QSER1: variants seen among roughly 807,000 people sequenced by gnomAD.
The protein encoded by QSER1 is glutamine and serine-rich protein 1.
QSER1 carries 49 observed loss-of-function variants against 158.5 expected under a neutral mutation model. That is an observed-to-expected ratio of 0.31 (90% CI 0.25 to 0.39). The LOEUF (loss-of-function observed/expected upper bound fraction) is 0.39. Ranked by LOEUF, QSER1 falls within the 10% of genes least tolerant of loss-of-function variation. The probability of loss-of-function intolerance (pLI) is 1.00; values close to 1 mark genes in which losing one functional copy is unlikely to be tolerated. For synonymous variants in QSER1, 650 were observed against 715.5 expected (o/e 0.91, Z 1.46); for missense variants, 1,754 against 2,010.3 (o/e 0.87, Z 2.44).
intron 5 of QSER1, 152 bp downstream of exon 5, chr11:32,954,331 A>AATC (rs1401155770): frequency 3.5e-6 from 3 of 856,886 alleles, no homozygotes; most frequent in Non-Finnish European, 5.1e-6. Context: ...TTAAGAGTAG[A>AATC]TGTCAGATAT....
intron 1 of QSER1, among the ~76,000 whole-genome samples, chr11:32,911,120 T>G (rs982519061): frequency 2.0e-5 from 3 of 152,218 alleles, no homozygotes; most frequent in African/African-American, 7.2e-5. Flanking sequence ...TTTGGAGACA[T>G]TCCTGGTTTT....
chr11:32,932,912 T>A lies in QSER1; in HGVS notation c.1654T>A (p.Ser552Thr). ...AAGAGATCTGTCTTCAGTAAGTCAG[T>A]CTCAAAGTTACTCATCTGGTCACTC... is the stretch of plus-strand genomic sequence containing the variant. Reference protein sequence around the residue: ...QTRDLSSVSQSQSYSSGHSQG... With the variant: ...QTRDLSSVSQTQSYSSGHSQG... Residue 552 changes from serine to threonine, a missense_variant, in exon 4 of 13, where the codon TCT (serine) becomes ACT (threonine). Around this residue, in one of 2 missense-constraint regions of QSER1, gnomAD observed 1,707 missense variants for 1,919.6 expected, o/e 0.89. Transcript: ENST00000650167. The A allele has an allele frequency of 1.2e-6, 2 of 1,613,960 alleles. No individual in the cohort carries two copies. The highest frequency in any genetic ancestry group is 2.2e-5 in the South Asian group (2 of 91,068).
intron 6 of QSER1, 75 bp downstream of exon 6, chr11:32,955,487 G>A: frequency 2.9e-6 from 2 of 686,416 alleles, no homozygotes; most frequent in Non-Finnish European, 4.9e-6. Flanking sequence ...AAATATAGAA[G>A]TATTTTATAT....
chr11:32,961,172 A>T (rs1852616873), intron 8 of QSER1, among the ~76,000 whole-genome samples: 1 of 152,162 alleles, frequency 6.6e-6, no homozygotes, highest in Non-Finnish European at 1.5e-5. Context: ...TGGCTAAAGT[A>T]TCAAGAATAT....
chr11:32,964,737 T>TACACAC (rs1305249922), intron 8 of QSER1, among the ~76,000 whole-genome samples: 1 of 113,030 alleles, frequency 8.8e-6, no homozygotes, highest in African/African-American at 3.4e-5. Flanking sequence ...TATATATATA[T>TACACAC]ATACACACAC....
intron 10 of QSER1, among the ~76,000 whole-genome samples, chr11:32,972,966 G>T (rs554569955): frequency 6.6e-6 from 1 of 152,314 alleles, no homozygotes; most frequent in South Asian, 2.1e-4. Context: ...ATTTCACGGG[G>T]CAAGCAGTGG....
intron 5 of QSER1, among the ~76,000 whole-genome samples, chr11:32,954,697 T>G (rs1179525869): frequency 6.6e-6 from 1 of 152,182 alleles, no homozygotes; most frequent in Non-Finnish European, 1.5e-5. Context: ...ATGTATTTTT[T>G]AAAATAGAGA....
chr11:32,964,777 CACACAT>C (rs1282707261), intron 8 of QSER1, among the ~76,000 whole-genome samples: 24 of 144,214 alleles, frequency 1.7e-4, no homozygotes, highest in African/African-American at 3.3e-4. Context: ...CACACACACA[CACACAT>C]ACACACACAT....
intron 1 of QSER1, among the ~76,000 whole-genome samples, chr11:32,898,377 T>C (rs1452252763): frequency 6.6e-6 from 1 of 151,948 alleles, no homozygotes; most frequent in Non-Finnish European, 1.5e-5. Flanking sequence ...TCCCAGCTAC[T>C]CTGGAGGCTG....
intron 1 of QSER1, among the ~76,000 whole-genome samples, chr11:32,924,384 A>G (rs1851939312): frequency 6.6e-6 from 1 of 151,940 alleles, no homozygotes; most frequent in African/African-American, 2.4e-5. Context: ...CCTGGGCAAC[A>G]TGGACAAGCT....
At chr11:32,920,640 A>T (rs1210314459) in intron 1 of QSER1, among the ~76,000 whole-genome samples, 1 of 152,218 alleles carries the variant, frequency 6.6e-6, no homozygotes, top group Non-Finnish European at 1.5e-5. Flanking sequence ...TATCCAGCAT[A>T]TTTAAAGAAC....
rs368869898 is a variant in QSER1, at chr11:32,934,324, A to G, written c.3066A>G (p.Ser1022=). The G allele has an allele frequency of 6.2e-7, 1 of 1,613,920 alleles. No individual in the cohort carries two copies. The highest frequency in any genetic ancestry group is 1.3e-5 in the African/African-American group (1 of 74,924). The change falls in exon 4 of 13, where the codon TCA becomes TCG. Residue 1022 remains serine (S), a synonymous_variant. Transcript: ENST00000650167. ...ATTCTAAATCTCATTTTCAGCAGTCATTAGATGTCAGGCATGTGACTTCAG... is the reference window on the plus strand; with the variant it reads ...ATTCTAAATCTCATTTTCAGCAGTCGTTAGATGTCAGGCATGTGACTTCAG... ...DGDSKSHFQQ[S]LDVRHVTSDF... is the part of the protein sequence containing the mutation.
At position 32,978,431 on chromosome 11, in the gene QSER1, A is replaced by G. The variant is rs147116707; in HGVS notation, c.*1957A>G. 7.2e-5 allele frequency: 11 copies of G among 152,326 alleles called. 1 individual carries two copies. The East Asian group carries it at 2.1e-3, about 29-fold the overall frequency. The allele number at this position is 152,326 out of a possible 1,614,324, so 9.4% of individuals were successfully genotyped here. ...CATTTCCTAATGTGGCATTGTAAAT[A>G]TACATCTTTATATTACTCTTCCAGC... is the stretch of plus-strand genomic sequence containing the variant. On this transcript the variant is annotated 3_prime_UTR_variant, in exon 13 of 13. Coordinates refer to ENST00000650167, the MANE Select transcript of QSER1 (RefSeq NM_001076786.3).
rs1193669268 is a variant in QSER1, at chr11:32,955,354, T to C, written c.4559T>C (p.Leu1520Ser). ...PAIWKVQKAL[L>S]QKFVPEIRDG... ...ATTTGGAAAGTACAAAAAGCTTTAT[T>C]ACAGAAATTTGTTCCTGAAATTCGA... is the stretch of plus-strand genomic sequence containing the variant. Residue 1520 changes from leucine to serine, a missense_variant, in exon 6 of 13, where the codon TTA (leucine) becomes TCA (serine). By Grantham distance (145) the Leu-to-Ser change is moderately radical (BLOSUM62 -2). Around this residue, in one of 2 missense-constraint regions of QSER1, gnomAD observed 1,707 missense variants for 1,919.6 expected, o/e 0.89. Transcript: ENST00000650167. 6.2e-7 allele frequency: 1 copy of C among 1,602,456 alleles called. No individual in the cohort carries two copies. The highest frequency in any genetic ancestry group is 8.5e-7 in the Non-Finnish European group (1 of 1,176,584).
intron 4 of QSER1, among the ~76,000 whole-genome samples, chr11:32,941,751 A>G (rs913596642): frequency 1.3e-5 from 2 of 152,210 alleles, no homozygotes; most frequent in African/African-American, 4.8e-5. Flanking sequence ...ATACCCAGTA[A>G]TGGGATGGCT....
intron 7 of QSER1, among the ~76,000 whole-genome samples, chr11:32,956,767 C>G (rs1020661909): frequency 6.6e-6 from 1 of 152,178 alleles, no homozygotes; most frequent in African/African-American, 2.4e-5. Flanking sequence ...ATCTTCAGAC[C>G]TGGAAGAGAG....
In QSER1 at chr11:32,979,339, A is replaced by G. The variant is rs1032303166; in HGVS notation, c.*2865A>G. 2.6e-5 allele frequency: 4 copies of G among 152,652 alleles called. No homozygotes were observed. The highest frequency in any genetic ancestry group is 5.9e-5 in the Non-Finnish European group (4 of 68,036). 9.5% of individuals were successfully genotyped at this position (152,652 alleles called of 1,614,324 possible). On this transcript the variant is annotated 3_prime_UTR_variant, in exon 13 of 13. Transcript: ENST00000650167. Reference sequence around the variant, plus strand: ...AGAAAGATTGGATTTTCCTACCTTTAGAGATCTAAAAAAAATTTAATATAA... The same window carrying G: ...AGAAAGATTGGATTTTCCTACCTTTGGAGATCTAAAAAAAATTTAATATAA...
chr11:32,964,731 TATATATATACAC>T (rs1243004726), intron 8 of QSER1, among the ~76,000 whole-genome samples: 45 of 113,086 alleles, frequency 4.0e-4, no homozygotes, highest in Non-Finnish European at 6.6e-4. Context: ...TATATATATA[TATATATATACAC>T]ACACACACAC....
intron 8 of QSER1, among the ~76,000 whole-genome samples, chr11:32,962,208 C>T (rs568475854): frequency 1.3e-5 from 2 of 152,230 alleles, no homozygotes; most frequent in African/African-American, 4.8e-5. Flanking sequence ...AGTGGTATCT[C>T]ATTGTGGTTT....
Sources: allele counts gnomAD v4.1 joint callset (sites outside exome capture counted in the v4.1 genomes callset), GRCh38; gene constraint gnomAD v4.1.1; regional missense constraint gnomAD v4.1.1; transcripts MANE v1.5; gene names NCBI Gene and HGNC (gene_info 2026-07-23, HGNC 2026-07-21).